COL5A1: variants seen among roughly 807,000 people sequenced by gnomAD.
COL5A1 encodes collagen alpha-1(V) chain.
Under a neutral mutation model 263.7 loss-of-function variants are expected in COL5A1, and 16 were observed. The observed-to-expected ratio is 0.06, with a 90% confidence interval of 0.04 to 0.09. The LOEUF (loss-of-function observed/expected upper bound fraction) is 0.09. Ranked by LOEUF, COL5A1 falls within the 10% of genes least tolerant of loss-of-function variation. The pLI, the probability that COL5A1 is intolerant of heterozygous loss-of-function variation, is 1.00. For missense variants in COL5A1, 2,036 were observed against 2,540.5 expected (o/e 0.80, Z 4.27); for synonymous variants, 1,012 against 1,004.5 (o/e 1.01, Z -0.14).
chr9:134,692,064 C>T (rs184399420), intron 2 of COL5A1, among the ~76,000 whole-genome samples: 2 of 152,344 alleles, frequency 1.3e-5, no homozygotes, highest in Admixed American at 1.3e-4. Flanking sequence ...TTGCCCAGCC[C>T]TCCTTTACAT....
intron 1 of COL5A1, among the ~76,000 whole-genome samples, chr9:134,679,847 C>G (rs1282416763): frequency 6.6e-6 from 1 of 152,028 alleles, no homozygotes; most frequent in Non-Finnish European, 1.5e-5. Context: ...CGAGGCCCCA[C>G]TGCCAATATG....
At chr9:134,790,327 C>T (rs900230234) in intron 32 of COL5A1, among the ~76,000 whole-genome samples, 28 of 151,752 alleles carry the variant, frequency 1.8e-4, no homozygotes, top group African/African-American at 6.3e-4. Flanking sequence ...CCCACCCATC[C>T]ATCCATCCAT....
At chr9:134,820,263 G>T in intron 58 of COL5A1, 40 bp downstream of exon 58, 1 of 1,536,562 alleles carries the variant, frequency 6.5e-7, no homozygotes, top group Non-Finnish European at 9.0e-7. Context: ...GCTGTCGAGA[G>T]GCATTTTAGA....
chr9:134,695,392 A>C (rs1168782796), intron 2 of COL5A1, among the ~76,000 whole-genome samples: 2 of 152,174 alleles, frequency 1.3e-5, no homozygotes, highest in African/African-American at 4.8e-5. Flanking sequence ...CCAGAGAGCA[A>C]GGGAGCAGCC....
chr9:134,731,689 G>C (rs62574080), intron 8 of COL5A1, 26 bp downstream of exon 8: 2 of 1,594,352 alleles, frequency 1.3e-6, no homozygotes, highest in South Asian at 1.1e-5. Flanking sequence ...CCCCCGTTCC[G>C]GGTGGGGTTG....
intron 29 of COL5A1, 53 bp downstream of exon 29, chr9:134,782,773 C>T (rs539335314): frequency 1.0e-4 from 79 of 777,500 alleles, no homozygotes; most frequent in African/African-American, 4.1e-4. Context: ...TGGGCTTGGC[C>T]GTGTGGGAGG....
intron 46 of COL5A1, 21 bp from the exon 47 acceptor site, chr9:134,812,428 T>C: frequency 6.2e-7 from 1 of 1,613,532 alleles, no homozygotes; most frequent in Non-Finnish European, 8.5e-7. Flanking sequence ...AGCGCTTAAC[T>C]GGGAAGTTTC....
chr9:134,666,507 G>A (rs957022335), intron 1 of COL5A1, among the ~76,000 whole-genome samples: 5 of 152,204 alleles, frequency 3.3e-5, no homozygotes, highest in Admixed American at 1.3e-4. Flanking sequence ...CAGGGGACTC[G>A]TTCTCAAAGG....
intron 42 of COL5A1, chr9:134,808,821 G>A (rs1838401317): frequency 2.9e-6 from 1 of 342,988 alleles, no homozygotes; most frequent in Non-Finnish European, 5.6e-6. Flanking sequence ...CTGGTGACTG[G>A]GCTTGGCTCC....
chr9:134,683,787 G>C (rs1832930381), intron 1 of COL5A1, among the ~76,000 whole-genome samples: 1 of 152,182 alleles, frequency 6.6e-6, no homozygotes. Flanking sequence ...GCAGCTCATT[G>C]CACCCCCTTT....
intron 4 of COL5A1, among the ~76,000 whole-genome samples, chr9:134,711,244 C>G (rs1044502623): frequency 8.5e-5 from 13 of 152,182 alleles, no homozygotes; most frequent in Admixed American, 3.9e-4. Flanking sequence ...GGGAGGCTGC[C>G]TGGCTCTTCC....
Position 134,821,050 on chromosome 9 carries a change from G to A in COL5A1, c.4554+827G>A, listed in dbSNP as rs1034435592. On this transcript the variant is annotated intron_variant, in intron 58 of 65. Coordinates refer to ENST00000371817, the MANE Select transcript of COL5A1 (RefSeq NM_000093.5). This position sits in a 1 kb window ranked among gnomAD's most constrained non-coding sequence, Gnocchi z 4.2. ...AGGTTGCAGGACATGGCTGAAGGGT[G>A]GAGCTCATTGCAAACCCTACCTCAC... Among the ~76,000 whole-genome samples the A allele has an allele frequency of 6.6e-6, 1 of 152,130 alleles. No individual in the cohort carries two copies. Among genetic ancestry groups the A allele is most frequent in the African/African-American group, 2.4e-5 (1 of 41,428 alleles).
rs1387274246 is a variant in COL5A1 at position 134,765,343 on chromosome 9, G to A, written c.2035-338G>A. Among the ~76,000 whole-genome samples the A allele has an allele frequency of 2.0e-5, 3 of 151,760 alleles. No homozygotes were observed. The highest frequency in any genetic ancestry group is 7.2e-5 in the African/African-American group (3 of 41,420). ...CCGTGCAGTGGAATGTTATAGCGTG[G>A]TGATTCTCTGGGGGAGCGTCTGCTC... On this transcript the variant is annotated intron_variant, in intron 20 of 65. Transcript: ENST00000371817. This position sits in a 1 kb window ranked among gnomAD's most constrained non-coding sequence, Gnocchi z 5.1.
chr9:134,819,938 T>A (rs952203120), intron 57 of COL5A1, among the ~76,000 whole-genome samples, 178 bp from the exon 58 acceptor site: 3 of 152,206 alleles, frequency 2.0e-5, no homozygotes, highest in Admixed American at 2.0e-4. Flanking sequence ...AAGGGCCACC[T>A]CGGACCTGCC....
At chr9:134,759,266 ACT>A (rs752685558) in intron 18 of COL5A1, among the ~76,000 whole-genome samples, 46 of 110,784 alleles carry the variant, frequency 4.2e-4, no homozygotes, top group Middle Eastern at 4.3e-3. Context: ...GCGCGCACAC[ACT>A]CATACACACA....
At chr9:134,748,233 ACACACATG>A (rs1395255663) in intron 11 of COL5A1, among the ~76,000 whole-genome samples, 3 of 151,936 alleles carry the variant, frequency 2.0e-5, no homozygotes, top group African/African-American at 7.3e-5. Flanking sequence ...ATGCACACCC[ACACACATG>A]CACACATGCA....
At chr9:134,760,513 CACACCCACACACCCCCACACTCAT>C (rs1564440407) in intron 18 of COL5A1, among the ~76,000 whole-genome samples, 1 of 120,896 alleles carries the variant, frequency 8.3e-6, no homozygotes, top group African/African-American at 3.4e-5. Context: ...CACACGCATA[CACACCCACACACCCCCACACTCAT>C]ACACCCACAC....
rs569641934 is a variant in COL5A1 at position 134,757,208 on chromosome 9, C to T, written c.1881+390C>T. The stretch of plus-strand genomic sequence containing the variant: ...GTTGTGGAGGTGAGTAGATGTTGCC[C>T]GTGGCTAAAGGCAGGGCTGTGTGTG... On this transcript the variant is annotated intron_variant, in intron 17 of 65. Transcript: ENST00000371817. This position sits in a 1 kb window ranked among gnomAD's most constrained non-coding sequence, Gnocchi z 6.2. Among the ~76,000 whole-genome samples the T allele has an allele frequency of 9.2e-5, 14 of 152,168 alleles. No individual in the cohort carries two copies. The highest frequency in any genetic ancestry group is 6.2e-4 in the South Asian group (3 of 4,820).
At chr9:134,759,600 C>T (rs1298678101) in intron 18 of COL5A1, among the ~76,000 whole-genome samples, 1 of 104,396 alleles carries the variant, frequency 9.6e-6, no homozygotes, top group Non-Finnish European at 1.7e-5. Context: ...GCATACACCC[C>T]CACACCCCCA....
Sources: allele counts gnomAD v4.1 joint callset (sites outside exome capture counted in the v4.1 genomes callset), GRCh38; gene constraint gnomAD v4.1.1; non-coding constraint Gnocchi (gnomAD v3.1); transcripts MANE v1.5; gene names NCBI Gene and HGNC (gene_info 2026-07-23, HGNC 2026-07-21).